The following RORA variants were observed in gnomAD, a reference collection of about 807,000 sequenced individuals.
RORA encodes nuclear receptor ROR-alpha.
RORA carries 7 observed loss-of-function variants against 69.5 expected under a neutral mutation model. The observed-to-expected ratio is 0.10, with a 90% CI of 0.06 to 0.19. RORA has a LOEUF of 0.19. Among genes scored for constraint, RORA ranks in the 10% least tolerant of loss-of-function variants. The probability of loss-of-function intolerance (pLI) is 1.00; values close to 1 mark genes in which losing one functional copy is unlikely to be tolerated. For synonymous variants in RORA, 261 were observed against 240.8 expected (o/e 1.08, Z -0.78); for missense variants, 457 against 663.0 (o/e 0.69, Z 3.41).
At chr15:60,816,706 C>T (rs924770488) in intron 1 of RORA, among the ~76,000 whole-genome samples, 1 of 137,192 alleles carries the variant, frequency 7.3e-6, no homozygotes, top group African/African-American at 2.8e-5. Context: ...GCACGTTGTG[C>T]ACATGTACCC....
chr15:60,868,245 C>G (rs879756179), intron 1 of RORA, among the ~76,000 whole-genome samples: 7 of 152,124 alleles, frequency 4.6e-5, no homozygotes, highest in Non-Finnish European at 7.4e-5. Context: ...GTCCCTGTCA[C>G]TGGAGGTATC....
chr15:61,034,560 G>A (rs1420803682), intron 1 of RORA, among the ~76,000 whole-genome samples: 5 of 152,194 alleles, frequency 3.3e-5, no homozygotes, highest in East Asian at 3.9e-4. Context: ...AGTCTGTGAA[G>A]AAAACCCTGG....
intron 1 of RORA, chr15:60,682,121 T>G (rs1291093152): frequency 6.6e-6 from 1 of 152,200 alleles, no homozygotes; most frequent in Admixed American, 6.5e-5. Context: ...TTTTTAAAAT[T>G]GTATACAATC....
intron 1 of RORA, among the ~76,000 whole-genome samples, chr15:61,082,318 G>A (rs1566979547): frequency 1.3e-5 from 2 of 152,152 alleles, no homozygotes; most frequent in African/African-American, 2.4e-5. Context: ...GTGAAGCCCC[G>A]TCTCTACTAA....
chr15:60,986,651 C>A (rs1394705588), intron 1 of RORA, among the ~76,000 whole-genome samples: 1 of 152,212 alleles, frequency 6.6e-6, no homozygotes, highest in Non-Finnish European at 1.5e-5. Flanking sequence ...AGTGCCCAGA[C>A]ACACAGACCC....
chr15:61,102,598 T>C (rs1048181046), intron 1 of RORA, among the ~76,000 whole-genome samples: 1 of 152,252 alleles, frequency 6.6e-6, no homozygotes, highest in Non-Finnish European at 1.5e-5. Flanking sequence ...TTTTGTTTTC[T>C]TGCTGGAGAA....
intron 1 of RORA, among the ~76,000 whole-genome samples, chr15:60,921,989 C>T (rs1289427800): frequency 2.6e-5 from 4 of 152,184 alleles, no homozygotes; most frequent in Admixed American, 2.6e-4. Context: ...CACTGAGCTT[C>T]AATAATTATC....
Position 60,501,044 on chromosome 15 carries a change from C to T in RORA, c.1209G>A (p.Val403=). The change falls in exon 9 of 11, where the codon GTG becomes GTA. Residue 403 remains valine, a synonymous_variant. Coordinates refer to ENST00000335670, the MANE Select transcript of RORA (RefSeq NM_134261.3). ...SLGCEDFISF[V]FEFGKSLCSM... ...AACATAAACTCTTTCCAAATTCAAA[C>T]ACAAAGCTAATAAAGTCTTCACAAC... The T allele has an allele frequency of 6.2e-7, 1 of 1,607,176 alleles. No homozygotes were observed. The highest frequency in any genetic ancestry group is 8.5e-7 in the Non-Finnish European group (1 of 1,174,416).
chr15:61,002,447 T>C (rs907037808), intron 1 of RORA, among the ~76,000 whole-genome samples: 10 of 152,222 alleles, frequency 6.6e-5, no homozygotes, highest in African/African-American at 2.4e-4. Flanking sequence ...TTATATTAAC[T>C]CGATTCAATA....
At chr15:60,563,199 C>T (rs930360455) in intron 2 of RORA, among the ~76,000 whole-genome samples, 1 of 152,100 alleles carries the variant, frequency 6.6e-6, no homozygotes, top group African/African-American at 2.4e-5. Context: ...TGAAAAAAAT[C>T]ACAAATATTT....
At chr15:60,862,945 G>C (rs973894099) in intron 1 of RORA, among the ~76,000 whole-genome samples, 2 of 152,050 alleles carry the variant, frequency 1.3e-5, no homozygotes, top group Non-Finnish European at 2.9e-5. Flanking sequence ...TTCATATAGG[G>C]GCTTTTCCTC....
At chr15:60,894,519 G>C (rs1891175798) in intron 1 of RORA, among the ~76,000 whole-genome samples, 2 of 152,220 alleles carry the variant, frequency 1.3e-5, no homozygotes, top group African/African-American at 4.8e-5. Context: ...GGATTTTTGA[G>C]GGAGTAGGTG....
intron 1 of RORA, among the ~76,000 whole-genome samples, chr15:61,218,709 C>CACA (rs1555421375): frequency 9.9e-5 from 15 of 151,272 alleles, no homozygotes; most frequent in East Asian, 2.0e-4. Flanking sequence ...CACACACACA[C>CACA]AATTTCCTTC....
chr15:61,025,137 T>C (rs1313675141), intron 1 of RORA, among the ~76,000 whole-genome samples: 1 of 152,112 alleles, frequency 6.6e-6, no homozygotes, highest in Non-Finnish European at 1.5e-5. Flanking sequence ...AGCCCCTTCA[T>C]GTATAAAATG....
intron 1 of RORA, among the ~76,000 whole-genome samples, chr15:60,863,911 A>ATTC (rs1010656477): frequency 6.6e-6 from 1 of 151,944 alleles, no homozygotes; most frequent in Non-Finnish European, 1.5e-5. Context: ...GGTTCAAGCA[A>ATTC]TTCTTCTTCC....
intron 2 of RORA, among the ~76,000 whole-genome samples, chr15:60,543,739 C>T (rs1354220632): frequency 6.6e-6 from 1 of 152,116 alleles, no homozygotes; most frequent in Non-Finnish European, 1.5e-5. Flanking sequence ...GCCTTGGCCT[C>T]CCACAGTGCT....
At chr15:60,592,728 GGCCC>G in intron 2 of RORA, 1 of 1,096,550 alleles carries the variant, frequency 9.1e-7, no homozygotes. Context: ...CGGCTCTGCT[GGCCC>G]ACCCCGGCCG....
intron 1 of RORA, among the ~76,000 whole-genome samples, chr15:60,812,232 G>A (rs1005100806): frequency 6.6e-6 from 1 of 152,156 alleles, no homozygotes; most frequent in African/African-American, 2.4e-5. Flanking sequence ...AGCAAGGTGC[G>A]GTGCCTCACA....
intron 1 of RORA, among the ~76,000 whole-genome samples, chr15:60,866,140 A>T (rs2073484783): frequency 6.6e-6 from 1 of 152,142 alleles, no homozygotes; most frequent in Admixed American, 6.5e-5. Flanking sequence ...TGAACATTAG[A>T]TCCTATTCCT....
Sources: allele counts gnomAD v4.1 joint callset (sites outside exome capture counted in the v4.1 genomes callset), GRCh38; gene constraint gnomAD v4.1.1; transcripts MANE v1.5; gene names NCBI Gene and HGNC (gene_info 2026-07-23, HGNC 2026-07-21).